MBNL2: variants seen among roughly 807,000 people sequenced by gnomAD.
MBNL2 encodes muscleblind-like protein 2.
A neutral mutation model predicts 41.9 loss-of-function variants in MBNL2; 17 were observed. That is an observed-to-expected ratio of 0.41 (90% CI 0.28 to 0.61). The LOEUF (loss-of-function observed/expected upper bound fraction) is 0.61, where lower values mean the gene tolerates loss of function less well. Among genes scored for constraint, MBNL2 ranks in the 20% least tolerant of loss-of-function variants. The pLI is 0.35. For synonymous variants in MBNL2, 195 were observed against 182.9 expected (o/e 1.07, Z -0.53); for missense variants, 336 against 505.6 (o/e 0.66, Z 3.22).
At chr13:97,209,670 A>G in the MBNL2 span, among the ~76,000 whole-genome samples, 8,948 of 152,284 alleles carry the variant, frequency 0.059, 310 homozygotes, top group African/African-American at 0.071. Flanking sequence ...TTTATACACT[A>G]TGAAAAATGT....
chr13:97,154,367 T>A, the MBNL2 span, among the ~76,000 whole-genome samples: 1 of 152,084 alleles, frequency 6.6e-6, no homozygotes, highest in African/African-American at 2.4e-5. Context: ...CAGGCTGGAG[T>A]GTAGTGGTGC....
At chr13:97,360,818 G>A (rs1237656003) in intron 7 of MBNL2, among the ~76,000 whole-genome samples, 1 of 152,194 alleles carries the variant, frequency 6.6e-6, no homozygotes, top group Non-Finnish European at 1.5e-5. Flanking sequence ...TCAGAACAAA[G>A]GCAACCCACA....
intron 6 of MBNL2, 61 bp downstream of exon 6, chr13:97,356,910 G>A (rs1594259638): frequency 1.1e-5 from 12 of 1,069,216 alleles, no homozygotes; most frequent in Non-Finnish European, 1.6e-5. Flanking sequence ...TCTGAGATTT[G>A]TATTACTTGT....
rs1046185966 is a variant in MBNL2 at position 97,334,696 on chromosome 13, ACT to A, written c.339+261_339+262del. On this transcript the variant is annotated intron_variant, in intron 3 of 8. Transcript: ENST00000679496. This position sits in a 1 kb window ranked among gnomAD's most constrained non-coding sequence, Gnocchi z 5.3. ...ATCACTCCAACTCTTTTCACCAGTAACTCTCTATCTCAGCCATCTTAGAACGG... is the reference window on the plus strand; with the variant it reads ...ATCACTCCAACTCTTTTCACCAGTAACTCTATCTCAGCCATCTTAGAACGG... 3.4e-4 allele frequency among the ~76,000 whole-genome samples: 51 copies of A among 152,236 alleles called. No homozygotes were observed. The highest frequency in any genetic ancestry group is 1.1e-3 in the African/African-American group (47 of 41,538).
the MBNL2 span, among the ~76,000 whole-genome samples, chr13:97,160,559 C>T: frequency 1.4e-4 from 21 of 152,192 alleles, no homozygotes; most frequent in Middle Eastern, 3.4e-3. Context: ...CACCTAGACA[C>T]GCACACACAC....
chr13:97,380,706 A>C lies in MBNL2; in HGVS notation c.1049-10616A>C, dbSNP rs566298477. Among the ~76,000 whole-genome samples, 3 of 152,180 alleles carry C rather than the reference A, an allele frequency of 2.0e-5. No homozygotes were observed. The East Asian group carries it at 5.8e-4, about 29-fold the overall frequency. ...AGAAAGTAAATGGTGATGCTGAAAG[A>C]ATGGGCCTCACCACCGAGCTTTAAT... On this transcript the variant is annotated intron_variant, in intron 8 of 8. Coordinates refer to ENST00000679496, the MANE Select transcript of MBNL2 (RefSeq NM_001382683.1).
At position 97,319,980 on chromosome 13, in the gene MBNL2, C is replaced by T. The variant is rs575198222; in HGVS notation, c.175-14296C>T. Among the ~76,000 whole-genome samples the T allele has an allele frequency of 5.9e-5, 9 of 152,148 alleles. No individual in the cohort carries two copies. In the South Asian group the frequency reaches 1.9e-3, roughly 32 times the overall value. ...TGAGCAAATAGGGAGATCTCATTAC[C>T]TAAGATCATGAAAAAAATTGAATAC... On this transcript the variant is annotated intron_variant, in intron 2 of 8. Coordinates refer to ENST00000679496, the MANE Select transcript of MBNL2 (RefSeq NM_001382683.1).
intron 5 of MBNL2, 37 bp from the exon 6 acceptor site, chr13:97,356,759 C>T (rs1175829810): frequency 7.6e-7 from 1 of 1,314,714 alleles, no homozygotes; most frequent in Admixed American, 1.9e-5. Flanking sequence ...TCCCATTGGC[C>T]CACTGCCATC....
the MBNL2 span, among the ~76,000 whole-genome samples, chr13:97,182,033 G>T: frequency 5.3e-3 from 812 of 152,286 alleles, 7 homozygotes; most frequent in African/African-American, 0.018. Context: ...AGGGTTAGTA[G>T]GGGTTTTTTA....
the MBNL2 span, among the ~76,000 whole-genome samples, chr13:97,209,861 T>C: frequency 6.6e-6 from 1 of 152,234 alleles, no homozygotes; most frequent in Admixed American, 6.5e-5. Context: ...AGTGGCACGA[T>C]CTCAGCTCAT....
the MBNL2 span, among the ~76,000 whole-genome samples, chr13:97,175,694 G>T: frequency 6.6e-6 from 1 of 152,126 alleles, no homozygotes; most frequent in East Asian, 1.9e-4. Flanking sequence ...AACTTGTATT[G>T]CCACCCTGCA....
At chr13:97,308,384 T>G (rs1229234499) in intron 2 of MBNL2, among the ~76,000 whole-genome samples, 3 of 152,238 alleles carry the variant, frequency 2.0e-5, no homozygotes, top group African/African-American at 7.2e-5. Context: ...AACATTTGGC[T>G]GGATAACAAA....
chr13:97,143,050 T>C, the MBNL2 span, among the ~76,000 whole-genome samples: 4 of 152,252 alleles, frequency 2.6e-5, no homozygotes, highest in Non-Finnish European at 4.4e-5. Flanking sequence ...CAGTTACCTC[T>C]GTAATATGGT....
At chr13:97,290,140 A>C (rs2055531300) in intron 2 of MBNL2, among the ~76,000 whole-genome samples, 2 of 152,102 alleles carry the variant, frequency 1.3e-5, no homozygotes, top group Admixed American at 1.3e-4. Context: ...TTGAATCACT[A>C]TTTGCTCAAA....
At chr13:97,238,631 G>A (rs900819025) in intron 1 of MBNL2, among the ~76,000 whole-genome samples, 1 of 152,166 alleles carries the variant, frequency 6.6e-6, no homozygotes, top group Non-Finnish European at 1.5e-5. Flanking sequence ...AGTGCTGCGT[G>A]GGCTGCTGAA....
intron 8 of MBNL2, among the ~76,000 whole-genome samples, chr13:97,370,030 A>G (rs553686160): frequency 6.6e-6 from 1 of 152,266 alleles, no homozygotes; most frequent in South Asian, 2.1e-4. Flanking sequence ...CTCATGTAAT[A>G]TATTACATAT....
At chr13:97,245,114 G>A (rs2045191724) in intron 1 of MBNL2, among the ~76,000 whole-genome samples, 1 of 152,134 alleles carries the variant, frequency 6.6e-6, no homozygotes. Flanking sequence ...ATTCCCATTA[G>A]GATTAGGTTA....
At chr13:97,365,194 T>C in intron 8 of MBNL2, 23 bp downstream of exon 8, 2 of 1,538,150 alleles carry the variant, frequency 1.3e-6, no homozygotes, top group Non-Finnish European at 1.8e-6. Context: ...CTTTTTTATT[T>C]GTCTTTTATA....
chr13:97,367,390 G>A (rs935816552), intron 8 of MBNL2, among the ~76,000 whole-genome samples: 3 of 152,152 alleles, frequency 2.0e-5, no homozygotes, highest in African/African-American at 7.2e-5. Flanking sequence ...ACTTCATTGC[G>A]CATGCCCTCC....
Sources: allele counts gnomAD v4.1 joint callset (sites outside exome capture counted in the v4.1 genomes callset), GRCh38; gene constraint gnomAD v4.1.1; non-coding constraint Gnocchi (gnomAD v3.1); transcripts MANE v1.5; gene names NCBI Gene and HGNC (gene_info 2026-07-23, HGNC 2026-07-21).